The following PCDHGA10 variants were observed in gnomAD, a reference collection of about 807,000 sequenced individuals.
PCDHGA10 encodes protocadherin gamma subfamily A, 10.
A neutral mutation model predicts 59.5 loss-of-function variants in PCDHGA10; 42 were observed. The observed-to-expected ratio is 0.71, with a 90% CI of 0.55 to 0.91. The LOEUF (loss-of-function observed/expected upper bound fraction) is 0.91. Ranked by LOEUF, PCDHGA10 falls within the 40% of genes least tolerant of loss-of-function variation. PCDHGA10 has a pLI of 0.00. For synonymous variants in PCDHGA10, 511 were observed against 517.2 expected, an observed-to-expected ratio of 0.99 and a Z score of 0.16; for missense variants, 1,111 against 1,198.2, an observed-to-expected ratio of 0.93 and a Z score of 1.07.
Position 141,477,071 on chromosome 5 carries a change from G to T in PCDHGA10, c.2437-17736G>T. 6.2e-7 allele frequency: 1 copy of T among 1,614,226 alleles called. No individual in the cohort carries two copies. The highest frequency in any genetic ancestry group is 8.5e-7 in the Non-Finnish European group (1 of 1,180,030). ...GGACTTCGAGGACACCAAACTCCAT[G>T]AGATTTACATCCAGGCCAAAGACAA... is the stretch of plus-strand genomic sequence containing the variant. On this transcript the variant is annotated intron_variant, in intron 1 of 3. Coordinates refer to ENST00000398610, the MANE Select transcript of PCDHGA10 (RefSeq NM_018913.3). This position sits in a 1 kb window ranked among gnomAD's most constrained non-coding sequence, Gnocchi z 4.9.
At chr5:141,467,939 A>G (rs2099154812) in intron 1 of PCDHGA10, among the ~76,000 whole-genome samples, 2 of 152,190 alleles carry the variant, frequency 1.3e-5, no homozygotes, top group Admixed American at 6.5e-5. Context: ...GATTACAAGC[A>G]TGAGCCACCA....
intron 1 of PCDHGA10, among the ~76,000 whole-genome samples, chr5:141,465,911 A>G (rs540115471): frequency 6.6e-6 from 1 of 152,260 alleles, no homozygotes; most frequent in East Asian, 1.9e-4. Context: ...TCACGAGGTC[A>G]GGATTTCGAG....
intron 1 of PCDHGA10, among the ~76,000 whole-genome samples, chr5:141,475,231 G>A (rs1188161872): frequency 6.6e-6 from 1 of 152,190 alleles, no homozygotes; most frequent in Admixed American, 6.5e-5. Flanking sequence ...AAAGGGAAAC[G>A]ATAGAGAGAG....
At chr5:141,508,841 C>G (rs969875150) in intron 3 of PCDHGA10, among the ~76,000 whole-genome samples, 1 of 152,140 alleles carries the variant, frequency 6.6e-6, no homozygotes, top group Admixed American at 6.5e-5. Flanking sequence ...TCCCCTACCC[C>G]TTCCATTCCC....
chr5:141,507,691 A>G (rs777728143), intron 3 of PCDHGA10, among the ~76,000 whole-genome samples: 72 of 152,198 alleles, frequency 4.7e-4, no homozygotes, highest in Non-Finnish European at 6.8e-4. Context: ...CAGAAATGAA[A>G]TCAGTATTTA....
intron 2 of PCDHGA10, among the ~76,000 whole-genome samples, chr5:141,500,881 T>G (rs940387787): frequency 1.0e-5 from 1 of 99,136 alleles, no homozygotes; most frequent in Non-Finnish European, 1.9e-5. Context: ...TTTACAATTT[T>G]TTTTTTTTGA....
intron 1 of PCDHGA10, chr5:141,422,395 C>T: frequency 1.9e-6 from 3 of 1,596,286 alleles, no homozygotes; most frequent in South Asian, 1.1e-5. Context: ...TATTCCTAAC[C>T]ACCTGCCTTT....
At position 141,476,396 on chromosome 5, in the gene PCDHGA10, C is replaced by A; in HGVS notation, c.2437-18411C>A. The A allele has an allele frequency of 6.2e-7, 1 of 1,614,032 alleles. No homozygotes were observed. Among genetic ancestry groups the A allele is most frequent in the Non-Finnish European group, 8.5e-7 (1 of 1,180,020 alleles). Reference sequence around the variant, plus strand: ...GATGTTTGTGAACGACCGTCTGGATCGAGAGGAGCTGTGTGGGACACTGCC... The same window carrying A: ...GATGTTTGTGAACGACCGTCTGGATAGAGAGGAGCTGTGTGGGACACTGCC... On this transcript the variant is annotated intron_variant, in intron 1 of 3. Transcript: ENST00000398610. The surrounding 1 kb of genome is among the most constrained non-coding windows in gnomAD (Gnocchi z 7.6).
In PCDHGA10 at chr5:141,490,540, C is replaced by T; in HGVS notation, c.2437-4267C>T. The T allele has an allele frequency of 6.2e-7, 1 of 1,614,148 alleles. No homozygotes were observed. Among genetic ancestry groups the T allele is most frequent in the Non-Finnish European group, 8.5e-7 (1 of 1,180,024 alleles). ...GGCCAGCGATGCTGGTTCACCTTCC[C>T]TACACAAACATCTCACCATCAGGCT... On this transcript the variant is annotated intron_variant, in intron 1 of 3. Coordinates refer to ENST00000398610, the MANE Select transcript of PCDHGA10 (RefSeq NM_018913.3). This position sits in a 1 kb window ranked among gnomAD's most constrained non-coding sequence, Gnocchi z 5.4.
At chr5:141,424,901 C>G (rs2096846997) in intron 1 of PCDHGA10, among the ~76,000 whole-genome samples, 1 of 152,134 alleles carries the variant, frequency 6.6e-6, no homozygotes, top group African/African-American at 2.4e-5. Context: ...TTTTTGATCA[C>G]AGGAATCATT....
chr5:141,428,115 G>A (rs753384738), intron 1 of PCDHGA10: 2 of 1,607,178 alleles, frequency 1.2e-6, no homozygotes, highest in Non-Finnish European at 8.5e-7. Flanking sequence ...GCAGGCCATC[G>A]AGCCCGGGCT....
At chr5:141,494,729 C>A in intron 1 of PCDHGA10, 78 bp from the exon 2 acceptor site, 1 of 1,610,166 alleles carries the variant, frequency 6.2e-7, no homozygotes. Context: ...CCTTCTCTCC[C>A]GGCCCATCCC....
chr5:141,437,617 C>T (rs570138576), intron 1 of PCDHGA10, among the ~76,000 whole-genome samples: 1 of 152,102 alleles, frequency 6.6e-6, no homozygotes, highest in Admixed American at 6.6e-5. Flanking sequence ...CTGCTTTATC[C>T]CCATATAAGA....
chr5:141,483,589 G>A (rs189449393), intron 1 of PCDHGA10, among the ~76,000 whole-genome samples: 17 of 152,214 alleles, frequency 1.1e-4, no homozygotes, highest in Admixed American at 1.1e-3. Context: ...ACACCTAATA[G>A]GTCAGGCTGG....
rs186848544 is a variant in PCDHGA10, at chr5:141,415,114, G to C, written c.1939G>C (p.Val647Leu). 6.2e-7 allele frequency: 1 copy of C among 1,613,648 alleles called. No individual in the cohort carries two copies. Among genetic ancestry groups the C allele is most frequent in the Non-Finnish European group, 8.5e-7 (1 of 1,179,996 alleles). Residue 647 changes from valine to leucine, a missense_variant, in exon 1 of 4, where the codon GTA becomes CTA. Coordinates refer to ENST00000398610, the MANE Select transcript of PCDHGA10 (RefSeq NM_018913.3). ...CAGAGACGCGCTCAAGCAAAGCCTCGTAGTGGCCGTCCAGGACCACGGCCA... is the reference window on the plus strand; with the variant it reads ...CAGAGACGCGCTCAAGCAAAGCCTCCTAGTGGCCGTCCAGGACCACGGCCA... The part of the protein sequence containing the change: ...LDRDALKQSL[V>L]VAVQDHGQPP...
Position 141,485,741 on chromosome 5 carries a change from C to A in PCDHGA10, c.2437-9066C>A. 6.2e-7 allele frequency: 1 copy of A among 1,614,180 alleles called. No homozygotes were observed. Among genetic ancestry groups the A allele is most frequent in the Non-Finnish European group, 8.5e-7 (1 of 1,179,992 alleles). On this transcript the variant is annotated intron_variant, in intron 1 of 3. Coordinates refer to ENST00000398610, the MANE Select transcript of PCDHGA10 (RefSeq NM_018913.3). This position sits in a 1 kb window ranked among gnomAD's most constrained non-coding sequence, Gnocchi z 5.7. ...TGTGAAGAAGCGCAGCGACGGCAGC[C>A]TGGTCCCAGAGCTGCTCCTGGAGAA...
intron 1 of PCDHGA10, chr5:141,424,621 T>C (rs560809778): frequency 6.6e-6 from 1 of 152,346 alleles, no homozygotes; most frequent in Non-Finnish European, 1.5e-5. Context: ...TAGAGTAGTT[T>C]GTGAATATAT....
In PCDHGA10 at chr5:141,485,031, C is replaced by A; in HGVS notation, c.2437-9776C>A. On this transcript the variant is annotated intron_variant, in intron 1 of 3. Coordinates refer to ENST00000398610, the MANE Select transcript of PCDHGA10 (RefSeq NM_018913.3). The surrounding 1 kb of genome is among the most constrained non-coding windows in gnomAD (Gnocchi z 5.7). Reference sequence around the variant, plus strand: ...TACCCCGCCACCAGCAAAAACGGCGCGTAACCCTTGCGGCGCCGGCCGAAC... The same window carrying A: ...TACCCCGCCACCAGCAAAAACGGCGAGTAACCCTTGCGGCGCCGGCCGAAC... The A allele has an allele frequency of 1.5e-6, 1 of 680,514 alleles. No homozygotes were observed. Among genetic ancestry groups the A allele is most frequent in the South Asian group, 1.8e-5 (1 of 54,868 alleles). 42.2% of individuals were successfully genotyped at this position (680,514 alleles called of 1,614,324 possible). A position where few individuals can be genotyped will look rare whatever the true frequency, so the allele number is the denominator to read the frequency against.
chr5:141,483,133 T>C (rs1263073911), intron 1 of PCDHGA10, among the ~76,000 whole-genome samples: 25 of 152,142 alleles, frequency 1.6e-4, no homozygotes, highest in South Asian at 1.2e-3. Flanking sequence ...GGAGATGAGG[T>C]GAAGCAAGTA....
Sources: allele counts gnomAD v4.1 joint callset (sites outside exome capture counted in the v4.1 genomes callset), GRCh38; gene constraint gnomAD v4.1.1; non-coding constraint Gnocchi (gnomAD v3.1); transcripts MANE v1.5; gene names NCBI Gene and HGNC (gene_info 2026-07-23, HGNC 2026-07-21).